Variants in FBXL17 observed in about 807,000 individuals in gnomAD.
The protein encoded by FBXL17 is F-box/LRR-repeat protein 17.
Under a neutral mutation model 66.2 loss-of-function variants are expected in FBXL17, and 22 were observed. That is an observed-to-expected ratio of 0.33 (90% CI 0.24 to 0.47). The LOEUF (loss-of-function observed/expected upper bound fraction) is 0.47. Ranked by LOEUF, FBXL17 falls within the 20% of genes least tolerant of loss-of-function variation. FBXL17 has a pLI of 1.00. For missense variants in FBXL17, 878 were observed against 948.2 expected, an observed-to-expected ratio of 0.93 and a Z score of 0.97; for synonymous variants, 474 against 400.5, an observed-to-expected ratio of 1.18 and a Z score of -2.19.
intron 4 of FBXL17, among the ~76,000 whole-genome samples, chr5:108,313,764 T>A (rs1253763821): frequency 1.3e-5 from 2 of 152,010 alleles, no homozygotes; most frequent in Non-Finnish European, 2.9e-5. Context: ...GGAAAATATC[T>A]GTACGTTGTA....
intron 7 of FBXL17, among the ~76,000 whole-genome samples, chr5:107,944,557 G>A (rs917611558): frequency 3.3e-5 from 5 of 152,098 alleles, no homozygotes; most frequent in African/African-American, 1.2e-4. Context: ...ACCAATGTTG[G>A]TAGTTGTTAA....
chr5:108,023,348 C>T (rs1183549631), intron 6 of FBXL17, among the ~76,000 whole-genome samples: 4 of 152,034 alleles, frequency 2.6e-5, no homozygotes, highest in Non-Finnish European at 5.9e-5. Context: ...TGGACATAAA[C>T]GTCATATATA....
intron 7 of FBXL17, among the ~76,000 whole-genome samples, chr5:107,980,664 A>ATATATATTTTTTTT: frequency 6.4e-5 from 4 of 62,072 alleles, no homozygotes; most frequent in South Asian, 6.1e-4. Context: ...ATATATATAT[A>ATATATATTTTTTTT]TTTTTTTTTT....
At chr5:107,935,037 T>G (rs921012137) in intron 7 of FBXL17, among the ~76,000 whole-genome samples, 2 of 152,052 alleles carry the variant, frequency 1.3e-5, no homozygotes, top group African/African-American at 2.4e-5. Flanking sequence ...CAGAAAAGAA[T>G]GGTCTGTAGA....
At chr5:108,176,210 C>T (rs1752789871) in intron 6 of FBXL17, among the ~76,000 whole-genome samples, 1 of 152,170 alleles carries the variant, frequency 6.6e-6, no homozygotes, top group Admixed American at 6.5e-5. Context: ...CCATATTCAT[C>T]ATCATATAAA....
chr5:107,940,506 T>A (rs1169539544), intron 7 of FBXL17, among the ~76,000 whole-genome samples: 1 of 152,142 alleles, frequency 6.6e-6, no homozygotes, highest in Non-Finnish European at 1.5e-5. Flanking sequence ...TTCAGGGGCA[T>A]GTTTAAAAAT....
intron 4 of FBXL17, among the ~76,000 whole-genome samples, chr5:108,309,954 GTTTAAAT>G (rs1383456906): frequency 6.6e-6 from 1 of 152,024 alleles, no homozygotes; most frequent in Non-Finnish European, 1.5e-5. Context: ...AAACAATTCT[GTTTAAAT>G]TATGTTAGAT....
At chr5:108,348,953 T>C (rs1747465613) in intron 3 of FBXL17, among the ~76,000 whole-genome samples, 1 of 151,986 alleles carries the variant, frequency 6.6e-6, no homozygotes, top group Non-Finnish European at 1.5e-5. Context: ...TACAGGTGTG[T>C]GCCACCACAC....
At chr5:108,197,769 A>G (rs755734514) in intron 5 of FBXL17, among the ~76,000 whole-genome samples, 1 of 152,062 alleles carries the variant, frequency 6.6e-6, no homozygotes, top group Non-Finnish European at 1.5e-5. Context: ...CTGGCATTCC[A>G]AAAATGTTAC....
At chr5:108,098,414 T>G (rs141229892) in intron 6 of FBXL17, among the ~76,000 whole-genome samples, 1 of 152,114 alleles carries the variant, frequency 6.6e-6, no homozygotes, top group Non-Finnish European at 1.5e-5. Context: ...TCCTTTCAAC[T>G]TTTTGGGTCA....
At chr5:108,367,790 G>C (rs1278422008) in intron 2 of FBXL17, 41 bp downstream of exon 2, 1 of 1,489,332 alleles carries the variant, frequency 6.7e-7, no homozygotes, top group Non-Finnish European at 9.0e-7. Context: ...GATATTTTTT[G>C]AGTAGGTCAT....
At chr5:108,158,951 G>T (rs1224288030) in intron 6 of FBXL17, among the ~76,000 whole-genome samples, 2 of 152,010 alleles carry the variant, frequency 1.3e-5, no homozygotes, top group Non-Finnish European at 2.9e-5. Flanking sequence ...GATAAATATA[G>T]CTATGGAGAG....
intron 7 of FBXL17, among the ~76,000 whole-genome samples, chr5:108,018,817 C>T (rs1423008282): frequency 6.6e-6 from 1 of 152,134 alleles, no homozygotes; most frequent in Admixed American, 6.6e-5. Flanking sequence ...CTTTGCCTGA[C>T]ATTATCTTCA....
chr5:108,246,679 C>T (rs1171817335), intron 4 of FBXL17, among the ~76,000 whole-genome samples: 1 of 152,158 alleles, frequency 6.6e-6, no homozygotes, highest in Non-Finnish European at 1.5e-5. Flanking sequence ...GGGCATCTCC[C>T]ATTGAGTTGT....
intron 5 of FBXL17, among the ~76,000 whole-genome samples, chr5:108,189,223 G>C (rs953731876): frequency 6.7e-6 from 1 of 149,928 alleles, no homozygotes; most frequent in African/African-American, 2.4e-5. Flanking sequence ...TCTCAACTGG[G>C]GCTGTATTTC....
chr5:108,366,269 C>A (rs1307627374), intron 2 of FBXL17, among the ~76,000 whole-genome samples: 1 of 151,936 alleles, frequency 6.6e-6, no homozygotes, highest in Non-Finnish European at 1.5e-5. Flanking sequence ...TTAAAACCAG[C>A]CTCTACATAT....
intron 4 of FBXL17, among the ~76,000 whole-genome samples, chr5:108,248,261 A>C (rs1756192805): frequency 6.6e-6 from 1 of 152,198 alleles, no homozygotes. Context: ...TAGATGATAT[A>C]AAGAAGAACC....
intron 3 of FBXL17, among the ~76,000 whole-genome samples, chr5:108,351,278 G>A (rs1747638493): frequency 6.6e-6 from 1 of 152,130 alleles, no homozygotes; most frequent in Admixed American, 6.5e-5. Flanking sequence ...AAGACACAGG[G>A]AAGGAAGTAT....
chr5:108,111,295 T>C (rs572792006), intron 6 of FBXL17, among the ~76,000 whole-genome samples: 10 of 152,096 alleles, frequency 6.6e-5, no homozygotes, highest in African/African-American at 2.2e-4. Context: ...TTTGATTGGA[T>C]TGGTATTTTT....
Sources: gnomAD v4.1 joint callset for allele counts (sites outside exome capture counted in the v4.1 genomes callset) on GRCh38, gnomAD v4.1.1 for gene constraint, MANE v1.5 for transcripts, NCBI Gene and HGNC (gene_info 2026-07-23, HGNC 2026-07-21) for gene names.